LARGE1: variants seen among roughly 807,000 people sequenced by gnomAD.
LARGE1 encodes the protein LARGE xylosyl- and glucuronyltransferase 1, also known as xylosyl- and glucuronyltransferase LARGE1.
LARGE1 carries 43 observed loss-of-function variants against 87.6 expected under a neutral mutation model. The ratio of observed to expected loss-of-function variants is 0.49; its 90% CI spans 0.38 to 0.63. The LOEUF (loss-of-function observed/expected upper bound fraction) is 0.63, where lower values mean the gene tolerates loss of function less well. Among genes scored for constraint, LARGE1 ranks in the 30% least tolerant of loss-of-function variants. The probability of loss-of-function intolerance (pLI) is 0.00; values close to 1 mark genes in which losing one functional copy is unlikely to be tolerated. For missense variants in LARGE1, 802 were observed against 1,000.2 expected, an observed-to-expected ratio of 0.80 and a Z score of 2.67; for synonymous variants, 434 against 394.6, an observed-to-expected ratio of 1.10 and a Z score of -1.18.
intron 7 of LARGE1, among the ~76,000 whole-genome samples, chr22:33,431,270 G>C (rs985713953): frequency 6.6e-6 from 1 of 152,212 alleles, no homozygotes; most frequent in Non-Finnish European, 1.5e-5. Flanking sequence ...GTCTGCTGCA[G>C]CTAGCATAGG....
At chr22:33,786,609 C>T (rs1365564648) in intron 1 of LARGE1, among the ~76,000 whole-genome samples, 2 of 152,228 alleles carry the variant, frequency 1.3e-5, no homozygotes, top group African/African-American at 2.4e-5. Context: ...TTCAGAGCCT[C>T]CCCTCCTGAG....
At chr22:33,347,926 G>GA (rs1457071464) in intron 9 of LARGE1, among the ~76,000 whole-genome samples, 1 of 152,206 alleles carries the variant, frequency 6.6e-6, no homozygotes, top group Non-Finnish European at 1.5e-5. Context: ...TAGACTTCAT[G>GA]AAAGAGTCAC....
At position 33,798,224 on chromosome 22, in the gene LARGE1, A is replaced by C. The variant is rs557338036; in HGVS notation, c.-82-36666T>G. Among the ~76,000 whole-genome samples, 15 of 152,294 alleles carry C rather than the reference A, an allele frequency of 9.8e-5. No individual in the cohort carries two copies. In the East Asian group the frequency reaches 2.9e-3, roughly 29 times the overall value. On this transcript the variant is annotated intron_variant, in intron 1 of 14. Coordinates refer to ENST00000397394, the MANE Select transcript of LARGE1 (RefSeq NM_133642.5). ...AGAATTGCTTGAACCTGGGAGGCAGAGGGTGCAGTGAGCCGAGATCTGGCC... is the reference window on the plus strand; with the variant it reads ...AGAATTGCTTGAACCTGGGAGGCAGCGGGTGCAGTGAGCCGAGATCTGGCC...
In LARGE1 at chr22:33,343,567, T is replaced by C. The variant is rs1430470330; in HGVS notation, c.1132-5766A>G. On this transcript the variant is annotated intron_variant, in intron 9 of 14. Transcript: ENST00000397394. Reference sequence around the variant, plus strand: ...CTCTCACGTTTCCTCAGTAGCCCCCTACTGTCCTTACTCTCTCCTGCAGGG... The same window carrying C: ...CTCTCACGTTTCCTCAGTAGCCCCCCACTGTCCTTACTCTCTCCTGCAGGG... Among the ~76,000 whole-genome samples, 3 of 152,336 alleles carry C rather than the reference T, an allele frequency of 2.0e-5. No homozygotes were observed. In the East Asian group the frequency reaches 5.8e-4, roughly 29 times the overall value.
intron 5 of LARGE1, among the ~76,000 whole-genome samples, chr22:33,593,973 T>C (rs964513925): frequency 3.9e-5 from 6 of 152,200 alleles, no homozygotes; most frequent in African/African-American, 1.4e-4. Context: ...CAAGTCTCTT[T>C]CCTAAGCTTC....
chr22:33,105,163 A>ATTT, the LARGE1 span, among the ~76,000 whole-genome samples: 71 of 145,148 alleles, frequency 4.9e-4, no homozygotes, highest in East Asian at 4.3e-3. Flanking sequence ...AAGCCCCGCT[A>ATTT]TTTTTTTTTT....
intron 6 of LARGE1, among the ~76,000 whole-genome samples, chr22:33,555,019 C>T (rs2077633792): frequency 6.6e-6 from 1 of 152,178 alleles, no homozygotes; most frequent in African/African-American, 2.4e-5. Flanking sequence ...ATTCAACCAA[C>T]CTGGACTGAA....
At position 33,364,204 on chromosome 22, in the gene LARGE1, G is replaced by A. The variant is rs572875947; in HGVS notation, c.1131+17715C>T. The stretch of plus-strand genomic sequence containing the variant: ...CGAGTAGCTGGGACTACAGGCGCCC[G>A]CCACCACGCCCGGCTAATTTTTCTT... On this transcript the variant is annotated intron_variant, in intron 9 of 14. Coordinates refer to ENST00000397394, the MANE Select transcript of LARGE1 (RefSeq NM_133642.5). Among the ~76,000 whole-genome samples, 231 of 152,174 alleles carry A rather than the reference G, an allele frequency of 1.5e-3. 2 individuals carry two copies. Among genetic ancestry groups the A allele is most frequent in the South Asian group, 7.7e-3 (37 of 4,810 alleles).
chr22:33,238,204 T>G (rs1290789812), intron 11 of LARGE1, among the ~76,000 whole-genome samples: 1 of 151,904 alleles, frequency 6.6e-6, no homozygotes, highest in Non-Finnish European at 1.5e-5. Context: ...TCAAATTAGA[T>G]GCAGCTAGAA....
Position 33,604,460 on chromosome 22 carries a change from T to G in LARGE1, c.590A>C (p.Asp197Ala), listed in dbSNP as rs765069383. Residue 197 changes from aspartate to alanine, a missense_variant, in exon 5 of 15, where the codon GAC becomes GCC. Transcript: ENST00000397394. ...QTWMVPAVRV[D>A]FYNADELKSE... ...CTTGAGCTCGTCTGCATTGTAGAAG[T>G]CCACACGCACAGCGGGCACCATCCA... 6 of 1,614,044 alleles carry G rather than the reference T, an allele frequency of 3.7e-6. No individual in the cohort carries two copies. The Admixed American group carries it at 1.0e-4, about 27-fold the overall frequency.
At chr22:33,882,005 C>T (rs1343360364) in intron 1 of LARGE1, among the ~76,000 whole-genome samples, 1 of 151,520 alleles carries the variant, frequency 6.6e-6, no homozygotes, top group East Asian at 1.9e-4. Context: ...CAAATGCTAT[C>T]AATTATCTTT....
intron 11 of LARGE1, among the ~76,000 whole-genome samples, chr22:33,239,067 CA>C (rs1253537059): frequency 4.7e-5 from 7 of 148,486 alleles, no homozygotes; most frequent in Non-Finnish European, 8.9e-5. Flanking sequence ...AGATTAATCG[CA>C]AAAAGGAGAG....
At chr22:33,212,175 A>G (rs1391266016) in intron 11 of LARGE1, among the ~76,000 whole-genome samples, 3 of 152,086 alleles carry the variant, frequency 2.0e-5, no homozygotes, top group Non-Finnish European at 4.4e-5. Flanking sequence ...AAAGCCATCT[A>G]GGACTTTCTT....
At position 33,690,584 on chromosome 22, in the gene LARGE1, A is replaced by G. The variant is rs372697644; in HGVS notation, c.107-39916T>C. Among the ~76,000 whole-genome samples, 89 of 152,164 alleles carry G rather than the reference A, an allele frequency of 5.8e-4. 3 individuals are homozygous for G. The highest frequency in any genetic ancestry group is 2.0e-3 in the African/African-American group (84 of 41,526). On this transcript the variant is annotated intron_variant, in intron 2 of 14. Coordinates refer to ENST00000397394, the MANE Select transcript of LARGE1 (RefSeq NM_133642.5). ...GGAAAAAGAGGGAGGGAAGTGTGGA[A>G]AACAGGGAAGAAAAGAAAGGGAGAA...
chr22:33,914,096 A>G (rs1315933034), intron 1 of LARGE1, among the ~76,000 whole-genome samples: 2 of 152,196 alleles, frequency 1.3e-5, no homozygotes, highest in Non-Finnish European at 2.9e-5. Flanking sequence ...TTCAACTCCC[A>G]AATAAGAATG....
chr22:33,446,651 C>T (rs62225298), intron 6 of LARGE1, among the ~76,000 whole-genome samples: 6,772 of 152,186 alleles, frequency 0.044, 185 homozygotes, highest in Non-Finnish European at 0.056. Context: ...GAGCAGATGG[C>T]GAGGGAGACG....
chr22:33,129,219 A>G, the LARGE1 span, among the ~76,000 whole-genome samples: 50 of 152,342 alleles, frequency 3.3e-4, no homozygotes, highest in African/African-American at 1.1e-3. Context: ...TGGAAAACAG[A>G]TCAAAGATTG....
intron 1 of LARGE1, among the ~76,000 whole-genome samples, chr22:33,823,755 T>C (rs868616429): frequency 6.6e-6 from 1 of 152,216 alleles, no homozygotes; most frequent in Non-Finnish European, 1.5e-5. Context: ...GGCCCATTTA[T>C]GGAGAGAGCT....
intron 11 of LARGE1, among the ~76,000 whole-genome samples, chr22:33,215,219 T>C (rs976505390): frequency 2.0e-5 from 3 of 152,314 alleles, no homozygotes; most frequent in Admixed American, 6.5e-5. Context: ...CAGCACTAAA[T>C]GCCACCGTGC....
Sources: gnomAD v4.1 joint callset for allele counts (sites outside exome capture counted in the v4.1 genomes callset) on GRCh38, gnomAD v4.1.1 for gene constraint, MANE v1.5 for transcripts, NCBI Gene and HGNC (gene_info 2026-07-23, HGNC 2026-07-21) for gene names.